BICC1: variants seen among roughly 807,000 people sequenced by gnomAD.
The protein encoded by BICC1 is protein bicaudal C homolog 1.
BICC1 carries 43 observed loss-of-function variants against 111.0 expected under a neutral mutation model. The ratio of observed to expected loss-of-function variants is 0.39; its 90% CI spans 0.30 to 0.50. BICC1 has a LOEUF of 0.50. BICC1 is among the 20% of genes least tolerant of loss of function. BICC1 has a pLI of 0.88. For missense variants in BICC1, 1,091 were observed against 1,203.2 expected (o/e 0.91, Z 1.38); for synonymous variants, 467 against 434.4 (o/e 1.07, Z -0.93).
At chr10:58,563,474 A>G (rs539513230) in intron 1 of BICC1, among the ~76,000 whole-genome samples, 1 of 152,262 alleles carries the variant, frequency 6.6e-6, no homozygotes, top group South Asian at 2.1e-4. Context: ...TCTTGGTTCA[A>G]GCCAATCCTT....
At position 58,828,894 on chromosome 10, in the gene BICC1, G is replaced by C; in HGVS notation, c.*3G>C. The C allele has an allele frequency of 3.7e-6, 6 of 1,613,638 alleles. No individual in the cohort carries two copies. The highest frequency in any genetic ancestry group is 5.1e-6 in the Non-Finnish European group (6 of 1,179,734). The stretch of plus-strand genomic sequence containing the variant: ...CTAGTGTCAGTGGCCGCTGGTAGCA[G>C]CACCCTCTTGGCACATGCCCGCTGA... On this transcript the variant is annotated 3_prime_UTR_variant, in exon 21 of 21. Coordinates refer to ENST00000373886, the MANE Select transcript of BICC1 (RefSeq NM_001080512.3).
At chr10:58,721,237 G>C (rs1840931037) in intron 3 of BICC1, among the ~76,000 whole-genome samples, 1 of 152,084 alleles carries the variant, frequency 6.6e-6, no homozygotes, top group African/African-American at 2.4e-5. Context: ...CCCCTTCCAT[G>C]GTTTTTCTCT....
At chr10:58,745,607 C>CG (rs1554827842) in intron 3 of BICC1, among the ~76,000 whole-genome samples, 16 of 128,204 alleles carry the variant, frequency 1.2e-4, no homozygotes, top group African/African-American at 4.5e-4. Flanking sequence ...CCACCGCCCC[C>CG]CCCCCACATT....
chr10:58,594,174 G>GA (rs1844732570), intron 1 of BICC1, among the ~76,000 whole-genome samples: 1 of 151,812 alleles, frequency 6.6e-6, no homozygotes, highest in Non-Finnish European at 1.5e-5. Flanking sequence ...CAAGATTAGA[G>GA]AAAAAAGGAT....
intron 3 of BICC1, among the ~76,000 whole-genome samples, chr10:58,725,138 A>G (rs960309688): frequency 8.5e-5 from 13 of 152,142 alleles, no homozygotes; most frequent in African/African-American, 3.1e-4. Flanking sequence ...TGTTCTGTGC[A>G]TGTTATTATG....
intron 3 of BICC1, among the ~76,000 whole-genome samples, chr10:58,784,738 A>G (rs900565493): frequency 3.9e-5 from 6 of 152,172 alleles, no homozygotes; most frequent in African/African-American, 1.4e-4. Flanking sequence ...TGATATACTT[A>G]TTTTGTAAAA....
intron 1 of BICC1, among the ~76,000 whole-genome samples, chr10:58,534,014 A>G (rs1006456499): frequency 6.6e-6 from 1 of 151,874 alleles, no homozygotes; most frequent in East Asian, 1.9e-4. Context: ...AGATCCAACT[A>G]TATGCTGTCT....
chr10:58,686,962 AT>A (rs1839752074), intron 2 of BICC1, among the ~76,000 whole-genome samples: 1 of 152,014 alleles, frequency 6.6e-6, no homozygotes, highest in Non-Finnish European at 1.5e-5. Flanking sequence ...GATTTTTAGA[AT>A]TTTCAGCTTT....
At chr10:58,550,484 T>G (rs1843267646) in intron 1 of BICC1, among the ~76,000 whole-genome samples, 1 of 152,316 alleles carries the variant, frequency 6.6e-6, no homozygotes, top group Admixed American at 6.5e-5. Context: ...TGTTTTTTTG[T>G]ATTGTATCTA....
At chr10:58,611,873 A>G (rs1845436231) in intron 1 of BICC1, among the ~76,000 whole-genome samples, 1 of 152,204 alleles carries the variant, frequency 6.6e-6, no homozygotes, top group Non-Finnish European at 1.5e-5. Context: ...ATAAAACAAT[A>G]TTTAAGAAAA....
chr10:58,755,325 GA>G (rs1842114816), intron 3 of BICC1, among the ~76,000 whole-genome samples: 1 of 152,162 alleles, frequency 6.6e-6, no homozygotes, highest in Non-Finnish European at 1.5e-5. Flanking sequence ...CACCTTAGGG[GA>G]AAGGCTACAG....
At chr10:58,806,448 C>T (rs1227113807) in intron 15 of BICC1, 136 bp from the exon 16 acceptor site, 2 of 716,098 alleles carry the variant, frequency 2.8e-6, no homozygotes, top group Non-Finnish European at 4.9e-6. Flanking sequence ...ATTTCTGTGG[C>T]ATTATTGTGC....
intron 3 of BICC1, among the ~76,000 whole-genome samples, chr10:58,770,633 T>C (rs901705091): frequency 6.6e-6 from 1 of 152,154 alleles, no homozygotes; most frequent in Admixed American, 6.6e-5. Flanking sequence ...TATAAGACAT[T>C]TTATTATAAT....
intron 1 of BICC1, among the ~76,000 whole-genome samples, chr10:58,589,010 G>A (rs1218745150): frequency 3.3e-5 from 5 of 152,108 alleles, no homozygotes; most frequent in African/African-American, 1.2e-4. Context: ...TAGTCCCTGT[G>A]ACTGCTGTCC....
At chr10:58,687,142 C>T (rs1663981312) in intron 2 of BICC1, among the ~76,000 whole-genome samples, 1 of 152,242 alleles carries the variant, frequency 6.6e-6, no homozygotes, top group Non-Finnish European at 1.5e-5. Flanking sequence ...AGATCCACTC[C>T]AGACCCTGTT....
intron 3 of BICC1, among the ~76,000 whole-genome samples, chr10:58,754,760 ATGTGTGTGTGTGTGTG>A (rs149325160): frequency 6.7e-6 from 1 of 148,750 alleles, no homozygotes; most frequent in African/African-American, 2.5e-5. Context: ...GGGGGTGTGT[ATGTGTGTGTGTGTGTG>A]TGTGTGTGTA....
intron 10 of BICC1, among the ~76,000 whole-genome samples, chr10:58,797,889 G>GTA (rs1843408593): frequency 6.6e-6 from 1 of 152,148 alleles, no homozygotes; most frequent in Non-Finnish European, 1.5e-5. Context: ...GGGAAGTCAT[G>GTA]TATATGTTTT....
Position 58,785,091 on chromosome 10 carries a change from GT to G in BICC1, c.387+13del, listed in dbSNP as rs2132786604. 6.5e-7 allele frequency: 1 copy of G among 1,529,416 alleles called. No individual in the cohort carries two copies. Among genetic ancestry groups the G allele is most frequent in the Non-Finnish European group, 8.9e-7 (1 of 1,122,336 alleles). The allele number at this position is 1,529,416 out of a possible 1,614,324, so 94.7% of individuals were successfully genotyped here. On this transcript the variant is annotated intron_variant, in intron 4 of 20. Coordinates refer to ENST00000373886, the MANE Select transcript of BICC1 (RefSeq NM_001080512.3). ...GTCTTAGACACAAAAGTAAGTGAAT[GT>G]TAAGGACACTCAGATGTCAGAACCT...
At chr10:58,528,197 G>A (rs1047847658) in intron 1 of BICC1, among the ~76,000 whole-genome samples, 9 of 151,800 alleles carry the variant, frequency 5.9e-5, no homozygotes, top group Admixed American at 2.0e-4. Flanking sequence ...CACGTGCTTG[G>A]CCTTAGGAAG....
Sources: allele counts gnomAD v4.1 joint callset (sites outside exome capture counted in the v4.1 genomes callset), GRCh38; gene constraint gnomAD v4.1.1; transcripts MANE v1.5; gene names NCBI Gene and HGNC (gene_info 2026-07-23, HGNC 2026-07-21).